SPOCK2: variants seen among roughly 807,000 people sequenced by gnomAD.
The protein encoded by SPOCK2 is testican-2.
SPOCK2 carries 39 observed loss-of-function variants against 60.1 expected under a neutral mutation model. The observed-to-expected ratio is 0.65, with a 90% CI of 0.50 to 0.85. SPOCK2 has a LOEUF of 0.85. Ranked by LOEUF, SPOCK2 falls within the 40% of genes least tolerant of loss-of-function variation. SPOCK2 has a pLI of 0.00. For missense variants in SPOCK2, 523 were observed against 567.4 expected, an observed-to-expected ratio of 0.92 and a Z score of 0.80; for synonymous variants, 217 against 231.5, an observed-to-expected ratio of 0.94 and a Z score of 0.57.
chr10:72,072,614 C>A (rs963727900), intron 2 of SPOCK2, 66 bp from the exon 3 acceptor site: 1 of 1,606,922 alleles, frequency 6.2e-7, no homozygotes, highest in South Asian at 1.1e-5. Flanking sequence ...GGTTCAACTG[C>A]GGGGTCGAGG....
At chr10:72,064,330 G>GCTTA in intron 8 of SPOCK2, 90 bp from the exon 9 acceptor site, 1 of 1,371,434 alleles carries the variant, frequency 7.3e-7, no homozygotes, top group Non-Finnish European at 9.6e-7. Flanking sequence ...CCCAGGCAGG[G>GCTTA]GCTCTGCAAG....
intron 1 of SPOCK2, among the ~76,000 whole-genome samples, chr10:72,074,314 G>A (rs537799546): frequency 8.6e-5 from 13 of 150,446 alleles, no homozygotes; most frequent in South Asian, 2.1e-4. Flanking sequence ...GGCCAGACCC[G>A]AGCAAGCAGT....
intron 5 of SPOCK2, among the ~76,000 whole-genome samples, 167 bp from the exon 6 acceptor site, chr10:72,068,468 G>A (rs917803467): frequency 2.0e-5 from 3 of 152,320 alleles, no homozygotes; most frequent in East Asian, 1.9e-4. Context: ...TGAGGTGCAC[G>A]GTGGAGAGAA....
intron 1 of SPOCK2, among the ~76,000 whole-genome samples, chr10:72,079,808 C>T (rs1049554473): frequency 8.6e-5 from 13 of 152,020 alleles, no homozygotes; most frequent in Middle Eastern, 3.2e-3. Context: ...GACAGAGAGA[C>T]CTCACCCCCT....
At chr10:72,075,140 G>A (rs555325840) in intron 1 of SPOCK2, among the ~76,000 whole-genome samples, 21 of 152,266 alleles carry the variant, frequency 1.4e-4, no homozygotes, top group African/African-American at 5.1e-4. Flanking sequence ...GGGGTCCTCT[G>A]CTGGGGGTCC....
At chr10:72,069,218 T>G (rs765525462) in intron 5 of SPOCK2, 1 of 156,238 alleles carries the variant, frequency 6.4e-6, no homozygotes, top group African/African-American at 2.4e-5. Flanking sequence ...ACCTCCTAAA[T>G]GCAGCCTCTG....
intron 5 of SPOCK2, 106 bp from the exon 6 acceptor site, chr10:72,068,407 C>G (rs537992825): frequency 8.2e-7 from 1 of 1,217,804 alleles, no homozygotes; most frequent in East Asian, 2.6e-5. Context: ...TGCCTCCCCC[C>G]ATGGAGTGCC....
chr10:72,062,850 C>A lies in SPOCK2; in HGVS notation c.1185G>T (p.Glu395Asp). The A allele has an allele frequency of 6.2e-7, 1 of 1,606,668 alleles. No individual in the cohort carries two copies. Among genetic ancestry groups the A allele is most frequent in the South Asian group, 1.1e-5 (1 of 90,500 alleles). ...CTGCTTCCTCCGTCTCCTTCTCCTCCTCATCCTCCCAGCCGACACCGCTTC... is the reference window on the plus strand; with the variant it reads ...CTGCTTCCTCCGTCTCCTTCTCCTCATCATCCTCCCAGCCGACACCGCTTC... The part of the protein sequence containing the change: ...DFGSGVGWED[E>D]EEKETEEAGE... The change falls in exon 11 of 11, where the codon GAG becomes GAT. Residue 395 changes from glutamate (E) to aspartate (D), a missense_variant. Coordinates refer to ENST00000373109, the MANE Select transcript of SPOCK2 (RefSeq NM_001244950.2). This position sits in a 1 kb window ranked among gnomAD's most constrained non-coding sequence, Gnocchi z 4.3.
intron 5 of SPOCK2, chr10:72,068,857 G>A (rs1840607803): frequency 6.5e-6 from 1 of 152,878 alleles, no homozygotes; most frequent in Admixed American, 6.5e-5. Context: ...TTCTGACCAG[G>A]GCCTTTTCTC....
chr10:72,080,842 T>C (rs1292839349), intron 1 of SPOCK2, among the ~76,000 whole-genome samples: 2 of 151,960 alleles, frequency 1.3e-5, no homozygotes, highest in Admixed American at 6.5e-5. Flanking sequence ...CAGGTATGCC[T>C]GCGCCAACAC....
At chr10:72,081,430 T>A (rs1230808857) in intron 1 of SPOCK2, among the ~76,000 whole-genome samples, 1 of 152,368 alleles carries the variant, frequency 6.6e-6, no homozygotes, top group East Asian at 1.9e-4. Context: ...CTTGACCGAC[T>A]GGCAGGTGTT....
chr10:72,060,472 C>T lies in SPOCK2; in HGVS notation c.*2288G>A, dbSNP rs1328494872. The T allele has an allele frequency of 6.6e-6, 1 of 152,094 alleles. No homozygotes were observed. Among genetic ancestry groups the T allele is most frequent in the African/African-American group, 2.4e-5 (1 of 41,274 alleles). The allele number at this position is 152,094 out of a possible 1,614,324, so 9.4% of individuals were successfully genotyped here. On this transcript the variant is annotated 3_prime_UTR_variant, in exon 11 of 11. Coordinates refer to ENST00000373109, the MANE Select transcript of SPOCK2 (RefSeq NM_001244950.2). ...CCTCTGAACTCCTTCCTTCCCCAGG[C>T]CCCCCAGCATCCTTAACAACCCCCA... is the stretch of plus-strand genomic sequence containing the variant.
chr10:72,062,191 G>C lies in SPOCK2; in HGVS notation c.*569C>G, dbSNP rs1277698269. On this transcript the variant is annotated 3_prime_UTR_variant, in exon 11 of 11. Transcript: ENST00000373109. This position sits in a 1 kb window ranked among gnomAD's most constrained non-coding sequence, Gnocchi z 4.3. ...GCCCAGTTTTGGGAGGACCTCAGCT[G>C]GTAGACAGCTCCCTGCCCCTCCCTC... is the stretch of plus-strand genomic sequence containing the variant. The C allele has an allele frequency of 6.5e-6, 1 of 153,024 alleles. No homozygotes were observed. Among genetic ancestry groups the C allele is most frequent in the African/African-American group, 2.4e-5 (1 of 41,444 alleles). The allele number at this position is 153,024 out of a possible 1,614,324, so 9.5% of individuals were successfully genotyped here.
intron 1 of SPOCK2, among the ~76,000 whole-genome samples, chr10:72,082,927 T>C (rs1840806070): frequency 2.7e-5 from 2 of 73,784 alleles, no homozygotes; most frequent in Non-Finnish European, 2.5e-5. Flanking sequence ...TGTGAGGCTA[T>C]AATGGCCAGG....
intron 1 of SPOCK2, among the ~76,000 whole-genome samples, chr10:72,078,950 A>G (rs1840750561): frequency 6.6e-6 from 1 of 152,182 alleles, no homozygotes; most frequent in Non-Finnish European, 1.5e-5. Context: ...TCTATGCCCA[A>G]CATCTAGTAC....
At chr10:72,068,870 G>A (rs191187019) in intron 5 of SPOCK2, 1 of 152,672 alleles carries the variant, frequency 6.5e-6, no homozygotes, top group Non-Finnish European at 1.5e-5. Flanking sequence ...CTTTTCTCCT[G>A]GTCATATCTC....
intron 1 of SPOCK2, 134 bp from the exon 2 acceptor site, chr10:72,073,044 T>A (rs1840670597): frequency 8.0e-7 from 1 of 1,243,538 alleles, no homozygotes; most frequent in Non-Finnish European, 1.1e-6. Flanking sequence ...AGCAATGGCC[T>A]TCGATGGCTG....
chr10:72,078,546 A>C (rs1168675972), intron 1 of SPOCK2, among the ~76,000 whole-genome samples: 1 of 151,632 alleles, frequency 6.6e-6, no homozygotes, highest in Non-Finnish European at 1.5e-5. Flanking sequence ...AAATAAAATA[A>C]ATTTTAAAAA....
chr10:72,081,286 CCGAA>C (rs1840780263), intron 1 of SPOCK2, among the ~76,000 whole-genome samples: 1 of 152,202 alleles, frequency 6.6e-6, no homozygotes, highest in Non-Finnish European at 1.5e-5. Flanking sequence ...GAATAGGAGC[CCGAA>C]CGATTTCAGA....
Sources: allele counts gnomAD v4.1 joint callset (sites outside exome capture counted in the v4.1 genomes callset), GRCh38; gene constraint gnomAD v4.1.1; non-coding constraint Gnocchi (gnomAD v3.1); transcripts MANE v1.5; gene names NCBI Gene and HGNC (gene_info 2026-07-23, HGNC 2026-07-21).